The following RABGEF1 variants were observed in gnomAD, a reference collection of about 807,000 sequenced individuals.
RABGEF1 encodes rab5 GDP/GTP exchange factor.
Under a neutral mutation model 57.3 loss-of-function variants are expected in RABGEF1, and 26 were observed. That is an observed-to-expected ratio of 0.45 (90% CI 0.33 to 0.63). RABGEF1 has a LOEUF of 0.63. RABGEF1 is among the 20% of genes least tolerant of loss of function. RABGEF1 has a pLI of 0.02. For synonymous variants in RABGEF1, 185 were observed against 210.7 expected (o/e 0.88, Z 1.06); for missense variants, 464 against 607.6 (o/e 0.76, Z 2.48).
chr7:66,663,538 A>G, the RABGEF1 span, among the ~76,000 whole-genome samples: 1 of 146,480 alleles, frequency 6.8e-6, no homozygotes, highest in Admixed American at 7.0e-5. Context: ...AGATCACGCC[A>G]CTGCACTCCA....
chr7:66,685,007 C>T (rs915321318), intron 1 of RABGEF1, among the ~76,000 whole-genome samples: 3 of 152,054 alleles, frequency 2.0e-5, no homozygotes, highest in Non-Finnish European at 4.4e-5. Flanking sequence ...TCAAGTGATT[C>T]TCTAGCCTTG....
chr7:66,657,456 A>G, the RABGEF1 span, among the ~76,000 whole-genome samples: 8 of 152,226 alleles, frequency 5.3e-5, no homozygotes, highest in Non-Finnish European at 1.0e-4. Flanking sequence ...TGAAAACACA[A>G]CATACCAGAA....
At chr7:66,689,465 G>T (rs1194339759) in intron 1 of RABGEF1, among the ~76,000 whole-genome samples, 1 of 152,090 alleles carries the variant, frequency 6.6e-6, no homozygotes, top group Non-Finnish European at 1.5e-5. Flanking sequence ...CAAATCTCTA[G>T]AAACACAAAA....
rs561081355 is a variant in RABGEF1 at position 66,741,714 on chromosome 7, TC to T, written c.-18+923del. ...GCTTTGTTTTTATTTATTATTTTTT[TC>T]GACATGGGATCTCACAGTGTTGCCC... On this transcript the variant is annotated intron_variant, in intron 1 of 8. Transcript: ENST00000284957. Among the ~76,000 whole-genome samples the T allele has an allele frequency of 2.5e-4, 38 of 152,324 alleles. No individual in the cohort carries two copies. The South Asian group carries it at 5.2e-3, about 21-fold the overall frequency.
the RABGEF1 span, among the ~76,000 whole-genome samples, chr7:66,668,548 G>C: frequency 2.0e-5 from 3 of 152,298 alleles, no homozygotes; most frequent in South Asian, 2.1e-4. Flanking sequence ...CCTCTGGAGA[G>C]GGGGGGATTG....
intron 2 of RABGEF1, among the ~76,000 whole-genome samples, chr7:66,726,467 C>A (rs1211512869): frequency 2.0e-5 from 3 of 152,068 alleles, no homozygotes; most frequent in Admixed American, 6.5e-5. Flanking sequence ...TGGGTTCAAG[C>A]GATCCTCCCA....
chr7:66,799,614 A>C (rs1786817935), intron 7 of RABGEF1, among the ~76,000 whole-genome samples, 200 bp downstream of exon 7: 1 of 152,154 alleles, frequency 6.6e-6, no homozygotes, highest in African/African-American at 2.4e-5. Context: ...ATTTTCAGGG[A>C]TTATGGTCTC....
intron 2 of RABGEF1, among the ~76,000 whole-genome samples, chr7:66,719,990 TA>T (rs941866558): frequency 2.0e-5 from 3 of 151,662 alleles, no homozygotes; most frequent in African/African-American, 7.3e-5. Context: ...ACCCAATAAA[TA>T]AAAGAGATAA....
the RABGEF1 span, among the ~76,000 whole-genome samples, chr7:66,670,408 A>G: frequency 4.7e-5 from 7 of 148,906 alleles, no homozygotes; most frequent in South Asian, 1.3e-3. Context: ...ATGGAATTTA[A>G]TAAATGGGCT....
the RABGEF1 span, among the ~76,000 whole-genome samples, chr7:66,656,373 C>G: frequency 5.3e-5 from 8 of 152,144 alleles, no homozygotes; most frequent in East Asian, 1.9e-4. Context: ...CGCCTCAAGT[C>G]TCCCAATGTG....
chr7:66,671,791 C>T, the RABGEF1 span, among the ~76,000 whole-genome samples: 2 of 149,394 alleles, frequency 1.3e-5, no homozygotes, highest in African/African-American at 2.5e-5. Context: ...CACTGTGCTC[C>T]AGCCAGGGCA....
chr7:66,681,340 C>T (rs762764021), upstream of RABGEF1, among the ~76,000 whole-genome samples: 2 of 151,418 alleles, frequency 1.3e-5, no homozygotes, highest in African/African-American at 2.4e-5. Context: ...GTGACTCAAC[C>T]ATTCATACTT....
intron 2 of RABGEF1, among the ~76,000 whole-genome samples, chr7:66,733,002 G>A (rs1315670063): frequency 2.0e-5 from 3 of 152,144 alleles, no homozygotes; most frequent in South Asian, 4.1e-4. Context: ...TTAGCCTGAC[G>A]CCCTTCCCCA....
intron 3 of RABGEF1, among the ~76,000 whole-genome samples, chr7:66,782,505 C>T (rs1247876658): frequency 6.8e-6 from 1 of 146,176 alleles, no homozygotes; most frequent in African/African-American, 2.5e-5. Context: ...CTCATTCTTT[C>T]GCCCAGGCTG....
At chr7:66,708,660 A>G (rs1234703257) in intron 1 of RABGEF1, among the ~76,000 whole-genome samples, 1 of 152,098 alleles carries the variant, frequency 6.6e-6, no homozygotes, top group Non-Finnish European at 1.5e-5. Flanking sequence ...ATAATTTTAA[A>G]AAGTATCCAG....
upstream of RABGEF1, among the ~76,000 whole-genome samples, chr7:66,738,753 ACACT>A (rs1412867273): frequency 2.7e-5 from 4 of 147,840 alleles, no homozygotes; most frequent in Non-Finnish European, 6.1e-5. Flanking sequence ...AAAAAAAGAA[ACACT>A]CATTCTGTTT....
intron 1 of RABGEF1, among the ~76,000 whole-genome samples, chr7:66,770,957 G>A (rs1161819269): frequency 2.0e-5 from 3 of 151,888 alleles, no homozygotes; most frequent in Non-Finnish European, 2.9e-5. Flanking sequence ...TTTGTTAATC[G>A]GATTATTTGG....
At chr7:66,745,191 CA>C (rs199909175) in intron 1 of RABGEF1, among the ~76,000 whole-genome samples, 332 of 132,982 alleles carry the variant, frequency 2.5e-3, no homozygotes, top group South Asian at 3.5e-3. Flanking sequence ...GACTCCATCT[CA>C]AAAAAAAAAA....
upstream of RABGEF1, chr7:66,682,089 A>G (rs956535901): frequency 6.0e-6 from 1 of 167,884 alleles, no homozygotes. Context: ...GCCGTGCGTT[A>G]CGGGCGTGCG....
Sources: gnomAD v4.1 joint callset for allele counts (sites outside exome capture counted in the v4.1 genomes callset) on GRCh38, gnomAD v4.1.1 for gene constraint, MANE v1.5 for transcripts, NCBI Gene and HGNC (gene_info 2026-07-23, HGNC 2026-07-21) for gene names.